SMNDC1: variants seen among roughly 807,000 people sequenced by gnomAD.
SMNDC1 encodes the protein survival motor neuron domain containing 1.
A neutral mutation model predicts 29.2 loss-of-function variants in SMNDC1; 5 were observed. The ratio of observed to expected loss-of-function variants is 0.17; its 90% CI spans 0.09 to 0.36. The LOEUF is 0.36. Among genes scored for constraint, SMNDC1 ranks in the 10% least tolerant of loss-of-function variants. The probability of loss-of-function intolerance (pLI) is 1.00; values close to 1 mark genes in which losing one functional copy is unlikely to be tolerated. For synonymous variants in SMNDC1, 80 were observed against 89.9 expected (o/e 0.89, Z 0.62); for missense variants, 142 against 268.5 (o/e 0.53, Z 3.29).
chr10:110,298,427 C>A (rs998910956), intron 3 of SMNDC1, among the ~76,000 whole-genome samples: 19 of 152,118 alleles, frequency 1.2e-4, no homozygotes, highest in Non-Finnish European at 2.8e-4. Context: ...TCCTGTTTTT[C>A]TTTCCTCCAG....
rs1199126957 is a variant in SMNDC1 at position 110,297,504 on chromosome 10, G to T, written c.425+63C>A. The T allele has an allele frequency of 1.2e-5, 17 of 1,462,396 alleles. No homozygotes were observed. The Admixed American group carries it at 3.2e-4, about 28-fold the overall frequency. 90.6% of individuals were successfully genotyped at this position (1,462,396 alleles called of 1,614,324 possible). A position where few individuals can be genotyped will look rare whatever the true frequency, so the allele number is the denominator to read the frequency against. Reference sequence around the variant, plus strand: ...TTCTTATGCATAGATTCTCTCTGCAGACTACTTCAAGTATCCAAATGGGGA... The same window carrying T: ...TTCTTATGCATAGATTCTCTCTGCATACTACTTCAAGTATCCAAATGGGGA... On this transcript the variant is annotated intron_variant, in intron 4 of 5. Coordinates refer to ENST00000369603, the MANE Select transcript of SMNDC1 (RefSeq NM_005871.4).
At position 110,290,812 on chromosome 10, in the gene SMNDC1, C is replaced by G. The variant is rs1857491498; in HGVS notation, c.*3338G>C. 6.6e-6 allele frequency: 1 copy of G among 152,082 alleles called. No homozygotes were observed. Among genetic ancestry groups the G allele is most frequent in the African/African-American group, 2.4e-5 (1 of 41,426 alleles). 9.4% of individuals were successfully genotyped at this position (152,082 alleles called of 1,614,324 possible). A position where few individuals can be genotyped will look rare whatever the true frequency, so the allele number is the denominator to read the frequency against. On this transcript the variant is annotated 3_prime_UTR_variant, in exon 6 of 6. Coordinates refer to ENST00000369603, the MANE Select transcript of SMNDC1 (RefSeq NM_005871.4). ...TTACTACCCAAGTTAAAGCAAAAAGCTAAATCAAAGCTTTAAATTTTTTTT... is the reference window on the plus strand; with the variant it reads ...TTACTACCCAAGTTAAAGCAAAAAGGTAAATCAAAGCTTTAAATTTTTTTT...
intron 3 of SMNDC1, among the ~76,000 whole-genome samples, chr10:110,298,164 T>G (rs552872981): frequency 6.6e-6 from 1 of 152,252 alleles, no homozygotes; most frequent in East Asian, 1.9e-4. Context: ...GATTTTTGTA[T>G]TTTTAGTAGA....
At position 110,291,092 on chromosome 10, in the gene SMNDC1, C is replaced by T. The variant is rs185275424; in HGVS notation, c.*3058G>A. 25 of 152,254 alleles carry T rather than the reference C, an allele frequency of 1.6e-4. No individual in the cohort carries two copies. Among genetic ancestry groups the T allele is most frequent in the East Asian group, 9.6e-4 (5 of 5,192 alleles). 9.4% of individuals were successfully genotyped at this position (152,254 alleles called of 1,614,324 possible). A position where few individuals can be genotyped will look rare whatever the true frequency, so the allele number is the denominator to read the frequency against. ...ACTGATGCATCTTGTTTTGGTTTGA[C>T]GCCTAGTCTTCATGATTAGGCTAAA... On this transcript the variant is annotated 3_prime_UTR_variant, in exon 6 of 6. Coordinates refer to ENST00000369603, the MANE Select transcript of SMNDC1 (RefSeq NM_005871.4).
intron 1 of SMNDC1, 100 bp from the exon 2 acceptor site, chr10:110,303,687 T>A: frequency 9.4e-7 from 1 of 1,068,676 alleles, no homozygotes; most frequent in Non-Finnish European, 1.3e-6. Context: ...TTTTTGCCTC[T>A]AACTCCTTCT....
At chr10:110,299,108 TA>T (rs1222335369) in intron 2 of SMNDC1, among the ~76,000 whole-genome samples, 3 of 152,184 alleles carry the variant, frequency 2.0e-5, no homozygotes, top group Non-Finnish European at 2.9e-5. Context: ...TAGATCTCTC[TA>T]AAGATGAGAA....
At chr10:110,295,096 TCAA>T in intron 5 of SMNDC1, 129 bp downstream of exon 5, 1 of 738,522 alleles carries the variant, frequency 1.4e-6, no homozygotes, top group Non-Finnish European at 2.1e-6. Context: ...AAATTGAGCA[TCAA>T]CAAGGATTCG....
At chr10:110,303,832 A>T (rs1429771592) in intron 1 of SMNDC1, 57 of 410,142 alleles carry the variant, frequency 1.4e-4, no homozygotes. Flanking sequence ...GCATACAGAT[A>T]CAAAGAAATT....
rs1053672527 is a variant in SMNDC1 at position 110,292,237 on chromosome 10, T to G, written c.*1913A>C. The G allele has an allele frequency of 6.6e-6, 1 of 152,156 alleles. No homozygotes were observed. The highest frequency in any genetic ancestry group is 1.5e-5 in the Non-Finnish European group (1 of 68,026). 9.4% of individuals were successfully genotyped at this position (152,156 alleles called of 1,614,324 possible). A position where few individuals can be genotyped will look rare whatever the true frequency, so the allele number is the denominator to read the frequency against. The stretch of plus-strand genomic sequence containing the variant: ...TTTCCAAAGGGCCACATCTAGATCT[T>G]TGACACAAAGGTTGCTGATTTCATT... On this transcript the variant is annotated 3_prime_UTR_variant, in exon 6 of 6. Transcript: ENST00000369603.
At position 110,290,819 on chromosome 10, in the gene SMNDC1, A is replaced by C. The variant is rs1469787713; in HGVS notation, c.*3331T>G. On this transcript the variant is annotated 3_prime_UTR_variant, in exon 6 of 6. Transcript: ENST00000369603. Reference sequence around the variant, plus strand: ...CCAAGTTAAAGCAAAAAGCTAAATCAAAGCTTTAAATTTTTTTTGGTTGAA... The same window carrying C: ...CCAAGTTAAAGCAAAAAGCTAAATCCAAGCTTTAAATTTTTTTTGGTTGAA... The C allele has an allele frequency of 6.6e-6, 1 of 152,198 alleles. No homozygotes were observed. Among genetic ancestry groups the C allele is most frequent in the Non-Finnish European group, 1.5e-5 (1 of 68,038 alleles). The allele number at this position is 152,198 out of a possible 1,614,324, so 9.4% of individuals were successfully genotyped here. A position where few individuals can be genotyped will look rare whatever the true frequency, so the allele number is the denominator to read the frequency against.
intron 2 of SMNDC1, among the ~76,000 whole-genome samples, chr10:110,300,192 T>C (rs1029658257): frequency 6.6e-6 from 1 of 152,224 alleles, no homozygotes; most frequent in Non-Finnish European, 1.5e-5. Flanking sequence ...AGGGATCATT[T>C]AACTTAAGCA....
intron 5 of SMNDC1, 149 bp downstream of exon 5, chr10:110,295,079 A>AT: frequency 1.6e-6 from 1 of 643,742 alleles, no homozygotes; most frequent in Non-Finnish European, 2.5e-6. Context: ...ACATTTTTCA[A>AT]TAAGTTAAAT....
chr10:110,301,094 T>G (rs1857639879), intron 2 of SMNDC1, among the ~76,000 whole-genome samples: 1 of 152,188 alleles, frequency 6.6e-6, no homozygotes, highest in African/African-American at 2.4e-5. Context: ...TCTAATTCTA[T>G]AGAGGAACAC....
At chr10:110,297,983 TAG>T (rs1412359280) in intron 3 of SMNDC1, among the ~76,000 whole-genome samples, 1 of 152,192 alleles carries the variant, frequency 6.6e-6, no homozygotes, top group Non-Finnish European at 1.5e-5. Context: ...TCTTTGAGAA[TAG>T]AGGTTTCTTT....
Position 110,294,186 on chromosome 10 carries a change from G to A in SMNDC1, c.681C>T (p.Thr227=), listed in dbSNP as rs1304849654. ...TCAAATGCCTGACATTGTATTTAGA[G>A]GTATCTTGATATTGTGTCATAGGTT... The part of the protein sequence containing the change: ...ADKPMTQYQD[T]SKYNVRHLMP... The change falls in exon 6 of 6, where the codon ACC becomes ACT. Residue 227 remains threonine, a synonymous_variant. Coordinates refer to ENST00000369603, the MANE Select transcript of SMNDC1 (RefSeq NM_005871.4). 4 of 1,600,944 alleles carry A rather than the reference G, an allele frequency of 2.5e-6. No homozygotes were observed. Among genetic ancestry groups the A allele is most frequent in the African/African-American group, 1.4e-5 (1 of 73,810 alleles).
intron 5 of SMNDC1, 130 bp downstream of exon 5, chr10:110,295,098 A>T (rs1030557006): frequency 1.3e-6 from 1 of 769,252 alleles, no homozygotes; most frequent in East Asian, 3.0e-5. Flanking sequence ...ATTGAGCATC[A>T]ACAAGGATTC....
intron 2 of SMNDC1, 155 bp from the exon 3 acceptor site, chr10:110,298,945 T>C (rs926581215): frequency 1.4e-5 from 8 of 558,812 alleles, no homozygotes; most frequent in East Asian, 2.9e-5. Context: ...ATTATCCCCA[T>C]GTAGAAACTG....
chr10:110,299,341 A>C (rs1857612557), intron 2 of SMNDC1, among the ~76,000 whole-genome samples: 1 of 152,198 alleles, frequency 6.6e-6, no homozygotes, highest in Non-Finnish European at 1.5e-5. Context: ...AATTATTGTA[A>C]AACTCACCCC....
rs1857523220 is a variant in SMNDC1, at chr10:110,293,522, G to C, written c.*628C>G. The C allele has an allele frequency of 1.3e-5, 2 of 152,214 alleles. No homozygotes were observed. The highest frequency in any genetic ancestry group is 4.1e-4 in the South Asian group (2 of 4,820). 9.4% of individuals were successfully genotyped at this position (152,214 alleles called of 1,614,324 possible). ...CAAAAAACAAAAACACCTTAGAAAA[G>C]GGAGCTCATCCTAAGGTTTCTTACA... On this transcript the variant is annotated 3_prime_UTR_variant, in exon 6 of 6. Coordinates refer to ENST00000369603, the MANE Select transcript of SMNDC1 (RefSeq NM_005871.4).
Sources: allele counts gnomAD v4.1 joint callset (sites outside exome capture counted in the v4.1 genomes callset), GRCh38; gene constraint gnomAD v4.1.1; transcripts MANE v1.5; gene names NCBI Gene and HGNC (gene_info 2026-07-23, HGNC 2026-07-21).